The following CC2D2A variants were observed in gnomAD, a reference collection of about 807,000 sequenced individuals.
The protein encoded by CC2D2A is coiled-coil and C2 domain-containing protein 2A.
CC2D2A carries 155 observed loss-of-function variants against 212.9 expected under a neutral mutation model. The ratio of observed to expected loss-of-function variants is 0.73; its 90% CI spans 0.64 to 0.83. The LOEUF (loss-of-function observed/expected upper bound fraction) is 0.83, where lower values mean the gene tolerates loss of function less well. Among genes scored for constraint, CC2D2A ranks in the 40% least tolerant of loss-of-function variants. The pLI, the probability that CC2D2A is intolerant of heterozygous loss-of-function variation, is 0.00. For synonymous variants in CC2D2A, 667 were observed against 686.5 expected, an observed-to-expected ratio of 0.97 and a Z score of 0.44; for missense variants, 1,856 against 1,956.2, an observed-to-expected ratio of 0.95 and a Z score of 0.97.
At chr4:15,555,287 T>C (rs1719220928) in intron 20 of CC2D2A, 77 bp downstream of exon 20, 1 of 1,523,086 alleles carries the variant, frequency 6.6e-7, no homozygotes, top group South Asian at 1.3e-5. Context: ...TCTTCTCCTA[T>C]GCAATACTGT....
chr4:15,526,340 A>G (rs1260522526), intron 11 of CC2D2A, among the ~76,000 whole-genome samples: 1 of 152,190 alleles, frequency 6.6e-6, no homozygotes, highest in East Asian at 1.9e-4. Flanking sequence ...AGAGGCCCAG[A>G]GATGTATAGT....
intron 13 of CC2D2A, among the ~76,000 whole-genome samples, chr4:15,529,154 C>A (rs1717677555): frequency 6.6e-6 from 1 of 152,128 alleles, no homozygotes; most frequent in South Asian, 2.1e-4. Flanking sequence ...TGCCTGTAAT[C>A]CCAGCACTTT....
chr4:15,587,690 T>C, intron 31 of CC2D2A, 126 bp from the exon 32 acceptor site: 2 of 495,008 alleles, frequency 4.0e-6, no homozygotes. Context: ...TATCAAAATT[T>C]CGGGCAAGAT....
At chr4:15,483,564 A>G (rs1430495796) in intron 4 of CC2D2A, among the ~76,000 whole-genome samples, 1 of 152,214 alleles carries the variant, frequency 6.6e-6, no homozygotes, top group Non-Finnish European at 1.5e-5. Flanking sequence ...AAGGAGTGTC[A>G]AAGAATGTAT....
At chr4:15,580,234 A>G (rs1201430934) in intron 30 of CC2D2A, 63 bp downstream of exon 30, 1 of 1,189,508 alleles carries the variant, frequency 8.4e-7, no homozygotes, top group Non-Finnish European at 1.2e-6. Flanking sequence ...ATATATTGCC[A>G]TTTTAATTAC....
At chr4:15,479,232 C>T (rs1265079606) in intron 3 of CC2D2A, 1 of 1,537,168 alleles carries the variant, frequency 6.5e-7, no homozygotes, top group Non-Finnish European at 8.7e-7. Context: ...GAAGCCAACT[C>T]CTTTCTCCCG....
At chr4:15,528,537 C>A in intron 12 of CC2D2A, 83 bp from the exon 13 acceptor site, 1 of 1,071,766 alleles carries the variant, frequency 9.3e-7, no homozygotes, top group Non-Finnish European at 1.4e-6. Context: ...CACCATTTTG[C>A]CCAGGAGAAG....
intron 6 of CC2D2A, among the ~76,000 whole-genome samples, chr4:15,509,002 G>A (rs1716412935): frequency 6.6e-6 from 1 of 152,124 alleles, no homozygotes; most frequent in Non-Finnish European, 1.5e-5. Context: ...AAGGAGAGAT[G>A]GGTAAGAAGT....
At chr4:15,560,427 C>A in intron 22 of CC2D2A, 104 bp from the exon 23 acceptor site, 1 of 611,942 alleles carries the variant, frequency 1.6e-6, no homozygotes, top group Non-Finnish European at 2.9e-6. Flanking sequence ...GGCTGGAGGA[C>A]TGGGGGGACA....
At chr4:15,558,990 C>A (rs756610342) in intron 21 of CC2D2A, among the ~76,000 whole-genome samples, 175 bp from the exon 22 acceptor site, 1 of 152,178 alleles carries the variant, frequency 6.6e-6, no homozygotes, top group Non-Finnish European at 1.5e-5. Context: ...AGCCACCTGT[C>A]TCAGAATCCT....
intron 36 of CC2D2A, 136 bp from the exon 37 acceptor site, chr4:15,601,098 CTAA>C: frequency 2.8e-6 from 2 of 718,978 alleles, no homozygotes; most frequent in South Asian, 1.9e-5. Context: ...TTCTGTATTG[CTAA>C]TAAAAAGCTG....
At position 15,486,588 on chromosome 4, in the gene CC2D2A, T is replaced by C. The variant is rs181156935; in HGVS notation, c.247+5761T>C. 2.8e-3 allele frequency among the ~76,000 whole-genome samples: 423 copies of C among 152,126 alleles called. 3 individuals carry two copies. The highest frequency in any genetic ancestry group is 9.7e-3 in the African/African-American group (401 of 41,536). ...GCTAAAGTTTTGTCAATTTTGTTTA[T>C]CTTTTCAAAAAACAACTTTTCATTT... On this transcript the variant is annotated intron_variant, in intron 4 of 36. Coordinates refer to ENST00000424120, the MANE Select transcript of CC2D2A (RefSeq NM_001378615.1).
intron 26 of CC2D2A, among the ~76,000 whole-genome samples, 177 bp downstream of exon 26, chr4:15,567,963 A>G (rs1370280973): frequency 1.3e-5 from 2 of 152,172 alleles, no homozygotes; most frequent in Admixed American, 6.5e-5. Context: ...GACTCCCTTC[A>G]AGAATAAAAA....
intron 32 of CC2D2A, among the ~76,000 whole-genome samples, chr4:15,588,743 A>G (rs762911488): frequency 1.6e-4 from 25 of 151,914 alleles, no homozygotes; most frequent in Non-Finnish European, 2.6e-4. Flanking sequence ...TTCTGTGCCC[A>G]CTCCTCATTA....
intron 17 of CC2D2A, among the ~76,000 whole-genome samples, chr4:15,547,219 T>C (rs1433025508): frequency 1.3e-5 from 2 of 152,228 alleles, no homozygotes; most frequent in Non-Finnish European, 2.9e-5. Context: ...ATGGGGTACA[T>C]GTGGTATTTT....
intron 17 of CC2D2A, among the ~76,000 whole-genome samples, chr4:15,545,873 C>T (rs1173389013): frequency 6.6e-6 from 1 of 152,122 alleles, no homozygotes; most frequent in Admixed American, 6.5e-5. Context: ...CTTTGGGAGG[C>T]TGAGACGGAA....
chr4:15,519,021 G>A (rs1717047336), intron 11 of CC2D2A, among the ~76,000 whole-genome samples: 1 of 152,158 alleles, frequency 6.6e-6, no homozygotes, highest in African/African-American at 2.4e-5. Context: ...TCTACAGCCG[G>A]TTTGAATTTC....
intron 13 of CC2D2A, 141 bp from the exon 14 acceptor site, chr4:15,533,052 A>G: frequency 1.6e-6 from 1 of 607,488 alleles, no homozygotes; most frequent in African/African-American, 2.0e-5. Flanking sequence ...CTTTACATTC[A>G]CATTTGTATT....
rs80019390 is a variant in CC2D2A, at chr4:15,593,338, C to A, written c.4315-2747C>A. On this transcript the variant is annotated intron_variant, in intron 33 of 36. Transcript: ENST00000424120. Reference sequence around the variant, plus strand: ...TTGGATTCCAAGTCAAGGCCTCCTACCTTACTGGCTTCTACTTCTCTATAT... The same window carrying A: ...TTGGATTCCAAGTCAAGGCCTCCTAACTTACTGGCTTCTACTTCTCTATAT... Among the ~76,000 whole-genome samples, 806 of 152,324 alleles carry A rather than the reference C, an allele frequency of 5.3e-3. 6 individuals carry two copies. Among genetic ancestry groups the A allele is most frequent in the African/African-American group, 0.018 (763 of 41,568 alleles).
Sources: allele counts gnomAD v4.1 joint callset (sites outside exome capture counted in the v4.1 genomes callset), GRCh38; gene constraint gnomAD v4.1.1; transcripts MANE v1.5; gene names NCBI Gene and HGNC (gene_info 2026-07-23, HGNC 2026-07-21).